The following UGGT2 variants were observed in gnomAD, a reference collection of about 807,000 sequenced individuals.
The protein encoded by UGGT2 is UDP-glucose glycoprotein glucosyltransferase 2.
Under a neutral mutation model 192.1 loss-of-function variants are expected in UGGT2, and 180 were observed. The ratio of observed to expected loss-of-function variants is 0.94; its 90% CI spans 0.83 to 1.06. The LOEUF (loss-of-function observed/expected upper bound fraction) is 1.06. Among genes scored for constraint, UGGT2 ranks in the 50% least tolerant of loss-of-function variants. The pLI is 0.00. For missense variants in UGGT2, 1,849 were observed against 1,795.7 expected, an observed-to-expected ratio of 1.03 and a Z score of -0.54; for synonymous variants, 580 against 591.0, an observed-to-expected ratio of 0.98 and a Z score of 0.27.
chr13:96,021,118 A>G (rs971036839), intron 4 of UGGT2, among the ~76,000 whole-genome samples: 4 of 152,224 alleles, frequency 2.6e-5, no homozygotes, highest in African/African-American at 9.6e-5. Flanking sequence ...CCCTGTCCCC[A>G]ATCCCAAAGG....
rs1438784499 is a variant in UGGT2 at position 95,801,772 on chromosome 13, T to C, written c.*18A>G. The C allele has an allele frequency of 6.2e-7, 1 of 1,611,466 alleles. No homozygotes were observed. The highest frequency in any genetic ancestry group is 1.1e-5 in the South Asian group (1 of 90,440). ...GTTTCCTGTCATGCTTTCGCCTTCCTTCTCATATACACCAGTGCTAGAGTT... is the reference window on the plus strand; with the variant it reads ...GTTTCCTGTCATGCTTTCGCCTTCCCTCTCATATACACCAGTGCTAGAGTT... On this transcript the variant is annotated 3_prime_UTR_variant, in exon 39 of 39. Transcript: ENST00000376747.
chr13:96,001,409 CA>C (rs753129210), intron 5 of UGGT2, among the ~76,000 whole-genome samples: 9 of 152,060 alleles, frequency 5.9e-5, no homozygotes, highest in Non-Finnish European at 1.3e-4. Context: ...TTTACCTGCC[CA>C]AATCTTATAA....
intron 21 of UGGT2, among the ~76,000 whole-genome samples, chr13:95,901,159 A>G (rs1376405755): frequency 1.3e-5 from 2 of 152,104 alleles, no homozygotes; most frequent in East Asian, 1.9e-4. Flanking sequence ...ACAGTTTGCT[A>G]TTCATTCTTT....
chr13:95,889,610 G>A (rs2047743921), intron 25 of UGGT2, among the ~76,000 whole-genome samples: 1 of 152,126 alleles, frequency 6.6e-6, no homozygotes, highest in Non-Finnish European at 1.5e-5. Flanking sequence ...GCCTTCTAAT[G>A]GGACTAGCTT....
chr13:96,022,958 T>C, intron 4 of UGGT2, 82 bp downstream of exon 4: 1 of 899,142 alleles, frequency 1.1e-6, no homozygotes, highest in Admixed American at 3.3e-5. Flanking sequence ...GAATATTAAA[T>C]TTTTTTTATT....
intron 12 of UGGT2, among the ~76,000 whole-genome samples, chr13:95,956,886 T>C (rs372105663): frequency 1.3e-5 from 2 of 152,330 alleles, no homozygotes; most frequent in East Asian, 1.9e-4. Flanking sequence ...TCAAAGTTCA[T>C]AGCACAGCAT....
intron 26 of UGGT2, chr13:95,887,334 C>T (rs768298388): frequency 2.0e-6 from 1 of 511,930 alleles, no homozygotes; most frequent in Non-Finnish European, 3.9e-6. Context: ...AAGAATGGCT[C>T]ATAATGAATG....
At chr13:95,920,297 T>A (rs947198281) in intron 20 of UGGT2, among the ~76,000 whole-genome samples, 3 of 152,134 alleles carry the variant, frequency 2.0e-5, no homozygotes, top group Admixed American at 1.3e-4. Context: ...AAGGATTTCA[T>A]GACAAAAATG....
intron 2 of UGGT2, among the ~76,000 whole-genome samples, chr13:96,027,758 G>A (rs1277391765): frequency 6.6e-6 from 1 of 152,182 alleles, no homozygotes; most frequent in Non-Finnish European, 1.5e-5. Flanking sequence ...ACAGAGATAT[G>A]AAAAGCTTTA....
At chr13:95,865,367 G>A (rs1028503040) in intron 30 of UGGT2, among the ~76,000 whole-genome samples, 6 of 152,154 alleles carry the variant, frequency 3.9e-5, no homozygotes, top group African/African-American at 1.2e-4. Context: ...GAAGGCGGCC[G>A]AGCATGGTGG....
Position 95,859,784 on chromosome 13 carries a change from T to C in UGGT2, c.3741-109A>G, listed in dbSNP as rs1002583486. 7.5e-6 allele frequency: 6 copies of C among 801,384 alleles called. No individual in the cohort carries two copies. In the South Asian group the frequency reaches 1.0e-4, roughly 14 times the overall value. The allele number at this position is 801,384 out of a possible 1,614,324, so 49.6% of individuals were successfully genotyped here. Reference sequence around the variant, plus strand: ...AATTTAATTTTAATTTCTTAAATTTTACTTTAAGTTCTGGGATACATGTGC... The same window carrying C: ...AATTTAATTTTAATTTCTTAAATTTCACTTTAAGTTCTGGGATACATGTGC... On this transcript the variant is annotated intron_variant, in intron 32 of 38. Transcript: ENST00000376747.
At chr13:95,889,852 T>C (rs1002305215) in intron 25 of UGGT2, among the ~76,000 whole-genome samples, 4 of 152,188 alleles carry the variant, frequency 2.6e-5, no homozygotes, top group Non-Finnish European at 2.9e-5. Context: ...TGAGAAGTGA[T>C]AGGACAGCAT....
chr13:95,846,422 G>A (rs893805982), intron 36 of UGGT2, among the ~76,000 whole-genome samples: 3 of 149,714 alleles, frequency 2.0e-5, no homozygotes, highest in Non-Finnish European at 4.5e-5. Flanking sequence ...GTGCAGAGGG[G>A]AGGAGGGGAG....
At chr13:96,027,230 G>A (rs1354213929) in intron 2 of UGGT2, among the ~76,000 whole-genome samples, 1 of 152,126 alleles carries the variant, frequency 6.6e-6, no homozygotes, top group Non-Finnish European at 1.5e-5. Context: ...GGGAAGCAGA[G>A]AAAAGTCAAA....
Position 95,884,528 on chromosome 13 carries a change from T to C in UGGT2, c.3191A>G (p.His1064Arg), listed in dbSNP as rs773119529. Residue 1064 changes from histidine (H) to arginine (R), a missense_variant, in exon 27 of 39, where the codon CAC (histidine) becomes CGC (arginine). Transcript: ENST00000376747. ...AATATTATCAAGGTCACAGTTGCTGTGCACTGTTTCAACCAACCAGCCTTC... is the reference window on the plus strand; with the variant it reads ...AATATTATCAAGGTCACAGTTGCTGCGCACTGTTTCAACCAACCAGCCTTC... ...TPEGWLVETV[H>R]SNCDLDNIHL... 4.3e-5 allele frequency: 70 copies of C among 1,613,648 alleles called. No homozygotes were observed. The highest frequency in any genetic ancestry group is 5.5e-5 in the Non-Finnish European group (65 of 1,179,864).
chr13:95,825,692 C>T (rs1885968230), intron 38 of UGGT2, among the ~76,000 whole-genome samples: 1 of 152,174 alleles, frequency 6.6e-6, no homozygotes, highest in African/African-American at 2.4e-5. Context: ...TGGGAAAGGT[C>T]TTCTCCAAGA....
intron 12 of UGGT2, among the ~76,000 whole-genome samples, chr13:95,963,797 A>T (rs917379460): frequency 1.3e-5 from 2 of 152,184 alleles, no homozygotes; most frequent in Non-Finnish European, 2.9e-5. Context: ...GCTGCAAAAA[A>T]TACTTAGGAA....
chr13:95,996,029 T>C, intron 7 of UGGT2, 34 bp downstream of exon 7: 1 of 1,583,908 alleles, frequency 6.3e-7, no homozygotes, highest in Non-Finnish European at 8.7e-7. Flanking sequence ...CCAATGGGTA[T>C]AATAATACCA....
In UGGT2 at chr13:95,949,371, TC is replaced by T; in HGVS notation, c.1418del (p.Gly473GlufsTer6). On this transcript the variant is annotated frameshift_variant, in exon 13 of 39. Transcript: ENST00000376747. LOFTEE classifies it high-confidence loss of function. Reference protein sequence around the residue: ...CQKLLKPVFPGSVPSIRRNFH... With the variant: ...CQKLLKPVFPXSVPSIRRNFH... ...AATTGCGCCTTATGGAAGGTACACT[TC>T]CAGGAAATACTGGCTTCAGAAGTTT... is the stretch of plus-strand genomic sequence containing the variant. The T allele has an allele frequency of 6.3e-7, 1 of 1,582,112 alleles. No individual in the cohort carries two copies. Among genetic ancestry groups the T allele is most frequent in the Non-Finnish European group, 8.6e-7 (1 of 1,163,140 alleles).
Sources: gnomAD v4.1 joint callset for allele counts (sites outside exome capture counted in the v4.1 genomes callset) on GRCh38, gnomAD v4.1.1 for gene constraint, MANE v1.5 for transcripts, NCBI Gene and HGNC (gene_info 2026-07-23, HGNC 2026-07-21) for gene names.